Variants in DRC8 observed in about 807,000 individuals in gnomAD.
DRC8 encodes the protein dynein regulatory complex protein 8.
At chr1:245,120,817 C>T in the DRC8 span, among the ~76,000 whole-genome samples, 182 of 152,332 alleles carry the variant, frequency 1.2e-3, no homozygotes, top group Admixed American at 5.8e-3. Flanking sequence ...ACATGAATAA[C>T]GTGGAATAAT....
chr1:245,087,131 T>C, the DRC8 span: 1 of 1,463,926 alleles, frequency 6.8e-7, no homozygotes, highest in Non-Finnish European at 9.2e-7. Flanking sequence ...CCAGGGAGCG[T>C]AACTAGTGGC....
At chr1:245,085,921 G>A in the DRC8 span, among the ~76,000 whole-genome samples, 1 of 152,240 alleles carries the variant, frequency 6.6e-6, no homozygotes, top group Non-Finnish European at 1.5e-5. Flanking sequence ...CGACAAAGCT[G>A]AGAGCTGAAT....
the DRC8 span, among the ~76,000 whole-genome samples, chr1:245,120,746 G>A: frequency 6.6e-6 from 1 of 152,196 alleles, no homozygotes; most frequent in Non-Finnish European, 1.5e-5. Context: ...CTGTCACTTC[G>A]CACCTTAAAT....
chr1:245,035,038 A>T, the DRC8 span, among the ~76,000 whole-genome samples: 1 of 152,180 alleles, frequency 6.6e-6, no homozygotes, highest in Admixed American at 6.5e-5. Context: ...CACCTAGCTA[A>T]AATGGTCAAC....
At chr1:245,042,466 C>T in the DRC8 span, among the ~76,000 whole-genome samples, 8 of 152,288 alleles carry the variant, frequency 5.3e-5, no homozygotes, top group African/African-American at 1.9e-4. Context: ...AAAGAGATTT[C>T]GTCATTATTT....
chr1:245,025,477 C>G, the DRC8 span, among the ~76,000 whole-genome samples: 1 of 152,108 alleles, frequency 6.6e-6, no homozygotes, highest in Non-Finnish European at 1.5e-5. Flanking sequence ...TATCAACTTA[C>G]TTTTTTTAAC....
the DRC8 span, among the ~76,000 whole-genome samples, chr1:245,072,048 A>T: frequency 1.3e-5 from 2 of 152,310 alleles, no homozygotes; most frequent in East Asian, 3.9e-4. Flanking sequence ...TCCTCTTACC[A>T]CATAACCCAG....
At chr1:245,085,036 C>A in the DRC8 span, among the ~76,000 whole-genome samples, 2 of 152,194 alleles carry the variant, frequency 1.3e-5, no homozygotes, top group Non-Finnish European at 2.9e-5. Context: ...TGAATTTAGT[C>A]AAAATGGCCC....
the DRC8 span, among the ~76,000 whole-genome samples, chr1:245,037,006 T>C: frequency 1.3e-5 from 2 of 152,324 alleles, no homozygotes; most frequent in African/African-American, 2.4e-5. Flanking sequence ...CTCACAAAGA[T>C]AGAAACTCTA....
chr1:245,013,509 G>T, the DRC8 span, among the ~76,000 whole-genome samples: 70 of 152,144 alleles, frequency 4.6e-4, no homozygotes, highest in Middle Eastern at 0.01. Context: ...AATATACAAA[G>T]GTGAATTGGG....
At chr1:244,998,205 T>A in the DRC8 span, among the ~76,000 whole-genome samples, 1 of 152,084 alleles carries the variant, frequency 6.6e-6, no homozygotes, top group African/African-American at 2.4e-5. Flanking sequence ...TATATATTTA[T>A]TTTATTTTTC....
At chr1:244,975,312 C>T in the DRC8 span, among the ~76,000 whole-genome samples, 3 of 152,082 alleles carry the variant, frequency 2.0e-5, no homozygotes, top group African/African-American at 7.2e-5. Context: ...TGCCTGGCCT[C>T]ATAGTAACTG....
At chr1:245,087,541 C>A in the DRC8 span, 17 of 1,250,010 alleles carry the variant, frequency 1.4e-5, no homozygotes, top group Non-Finnish European at 1.7e-5. Context: ...GTATGTCTAG[C>A]CTTACAGAAT....
At chr1:245,064,581 A>G in the DRC8 span, among the ~76,000 whole-genome samples, 2 of 152,318 alleles carry the variant, frequency 1.3e-5, no homozygotes, top group East Asian at 1.9e-4. Flanking sequence ...ATATTATTTG[A>G]TAACTTCTTG....
At chr1:245,028,120 G>T in the DRC8 span, among the ~76,000 whole-genome samples, 23 of 152,202 alleles carry the variant, frequency 1.5e-4, 1 homozygote, top group Admixed American at 1.4e-3. Flanking sequence ...GAACTTCCGG[G>T]CTCAAGCAAT....
chr1:245,080,115 C>T, the DRC8 span, among the ~76,000 whole-genome samples: 1 of 152,122 alleles, frequency 6.6e-6, no homozygotes, highest in Non-Finnish European at 1.5e-5. Flanking sequence ...ATGGTGTGTT[C>T]CACTTAGCAG....
chr1:245,110,007 A>G, the DRC8 span, among the ~76,000 whole-genome samples: 1 of 152,218 alleles, frequency 6.6e-6, no homozygotes, highest in Non-Finnish European at 1.5e-5. Flanking sequence ...CTTTTAAACC[A>G]TAAGTCCCTC....
At chr1:245,038,876 TA>T in the DRC8 span, among the ~76,000 whole-genome samples, 1 of 151,374 alleles carries the variant, frequency 6.6e-6, no homozygotes, top group African/African-American at 2.4e-5. Context: ...TTTTACATAA[TA>T]AAATTTCAAG....
the DRC8 span, among the ~76,000 whole-genome samples, chr1:245,062,665 A>C: frequency 6.6e-6 from 1 of 152,236 alleles, no homozygotes; most frequent in Non-Finnish European, 1.5e-5. Context: ...AGGCTTAGGC[A>C]CTAAGCACGG....
Sources: gnomAD v4.1 joint callset for allele counts (sites outside exome capture counted in the v4.1 genomes callset) on GRCh38, gnomAD v4.1.1 for gene constraint, MANE v1.5 for transcripts, NCBI Gene and HGNC (gene_info 2026-07-23, HGNC 2026-07-21) for gene names.